Variants in ME3 observed in about 807,000 individuals in gnomAD.
ME3 encodes NADP-dependent malic enzyme, mitochondrial.
In ME3, 48 loss-of-function variants were observed where a neutral mutation model predicts 68.9. That is an observed-to-expected ratio of 0.70 (90% CI 0.55 to 0.89). ME3 has a LOEUF of 0.89. Among genes scored for constraint, ME3 ranks in the 40% least tolerant of loss-of-function variants. The pLI, the probability that ME3 is intolerant of heterozygous loss-of-function variation, is 0.00. For synonymous variants in ME3, 320 were observed against 318.8 expected (o/e 1.00, Z -0.04); for missense variants, 675 against 797.4 (o/e 0.85, Z 1.85).
At chr11:86,551,330 G>T (rs1296138083) in intron 4 of ME3, among the ~76,000 whole-genome samples, 2 of 152,040 alleles carry the variant, frequency 1.3e-5, no homozygotes, top group East Asian at 3.9e-4. Context: ...TTAGATAAGG[G>T]GGCTGAACCA....
intron 7 of ME3, among the ~76,000 whole-genome samples, chr11:86,471,367 C>T (rs1950776409): frequency 6.6e-6 from 1 of 151,984 alleles, no homozygotes; most frequent in African/African-American, 2.4e-5. Context: ...ATTTCTTGAC[C>T]TCATGATCCA....
chr11:86,624,820 T>A (rs903093894), intron 2 of ME3, among the ~76,000 whole-genome samples: 5 of 152,178 alleles, frequency 3.3e-5, no homozygotes, highest in Non-Finnish European at 7.4e-5. Context: ...AAGGACCAGA[T>A]CACAGAGGGT....
chr11:86,583,539 TTAAA>T (rs568236089), intron 2 of ME3, among the ~76,000 whole-genome samples: 33 of 152,306 alleles, frequency 2.2e-4, no homozygotes, highest in East Asian at 1.9e-3. Context: ...AAGACAGCTA[TTAAA>T]TAAATAATCA....
chr11:86,651,054 C>T (rs371302842), intron 2 of ME3, among the ~76,000 whole-genome samples: 1 of 152,206 alleles, frequency 6.6e-6, no homozygotes, highest in South Asian at 2.1e-4. Flanking sequence ...GGGAGGGGCA[C>T]CCGCCATTGC....
intron 4 of ME3, among the ~76,000 whole-genome samples, chr11:86,550,497 A>G (rs985647702): frequency 1.3e-5 from 2 of 152,168 alleles, no homozygotes; most frequent in Non-Finnish European, 2.9e-5. Flanking sequence ...GCCAGATGAG[A>G]GGTTAACCAG....
chr11:86,453,119 C>T (rs186591443), intron 8 of ME3, among the ~76,000 whole-genome samples: 176 of 152,228 alleles, frequency 1.2e-3, no homozygotes, highest in African/African-American at 4.1e-3. Context: ...CTGGCTCAGC[C>T]TCCTGAGTAG....
chr11:86,630,068 A>T (rs1193394921), intron 2 of ME3, among the ~76,000 whole-genome samples: 2 of 152,064 alleles, frequency 1.3e-5, no homozygotes, highest in African/African-American at 4.8e-5. Flanking sequence ...AATAATAGAG[A>T]TCTACATCCC....
At chr11:86,587,878 G>A (rs1045140538) in intron 2 of ME3, among the ~76,000 whole-genome samples, 9 of 152,156 alleles carry the variant, frequency 5.9e-5, no homozygotes, top group Admixed American at 1.3e-4. Context: ...GTGCCTTCTG[G>A]CTCAAATATA....
intron 4 of ME3, among the ~76,000 whole-genome samples, chr11:86,511,156 T>C (rs1052825211): frequency 3.9e-5 from 6 of 152,244 alleles, no homozygotes; most frequent in African/African-American, 1.4e-4. Flanking sequence ...GCTGCAATAA[T>C]CTTGTAACAT....
intron 2 of ME3, among the ~76,000 whole-genome samples, chr11:86,574,136 TC>T (rs1957953574): frequency 6.6e-6 from 1 of 152,186 alleles, no homozygotes; most frequent in Non-Finnish European, 1.5e-5. Flanking sequence ...TTAACTTCCT[TC>T]CTTTGGGTTA....
intron 2 of ME3, among the ~76,000 whole-genome samples, chr11:86,649,084 G>A (rs939440729): frequency 2.0e-5 from 3 of 152,114 alleles, no homozygotes; most frequent in Admixed American, 6.6e-5. Context: ...CTGGCAAACC[G>A]AATCCAGCAG....
intron 2 of ME3, among the ~76,000 whole-genome samples, chr11:86,656,870 C>T (rs1331478991): frequency 6.9e-6 from 1 of 145,960 alleles, no homozygotes; most frequent in Non-Finnish European, 1.5e-5. Flanking sequence ...AAAAAAAAAG[C>T]TCATGATCAG....
chr11:86,670,395 G>A (rs1489099762), intron 2 of ME3, among the ~76,000 whole-genome samples: 3 of 152,178 alleles, frequency 2.0e-5, no homozygotes, highest in Non-Finnish European at 2.9e-5. Flanking sequence ...AATGCCATCT[G>A]GGCTTGTGGT....
rs756448234 is a variant in ME3 at position 86,497,981 on chromosome 11, G to A, written c.687C>T (p.Asp229=). ...GGGTTACCTCATTGTTGGTGCCGAC[G>A]TCCAGCAGCACAGGGAGGCACTGCT... Residue 229 remains aspartate (D), a synonymous_variant, in exon 6 of 15, where the codon GAC becomes GAT. Transcript: ENST00000543262. 8.7e-6 allele frequency: 14 copies of A among 1,604,026 alleles called. No individual in the cohort carries two copies. In the Admixed American group the frequency reaches 1.0e-4, roughly 12 times the overall value.
At chr11:86,672,026 G>A in intron 1 of ME3, 68 bp from the exon 2 acceptor site, 3 of 1,242,106 alleles carry the variant, frequency 2.4e-6, no homozygotes, top group Non-Finnish European at 3.1e-6. Context: ...GCGCTGCGGG[G>A]CACCGGGCCT....
chr11:86,604,657 C>T (rs946213571), intron 2 of ME3, among the ~76,000 whole-genome samples: 4 of 152,054 alleles, frequency 2.6e-5, no homozygotes, highest in African/African-American at 9.7e-5. Flanking sequence ...GTCTTCTCAA[C>T]AAATTAATGA....
At chr11:86,523,765 A>T (rs906021512) in intron 4 of ME3, among the ~76,000 whole-genome samples, 1 of 152,158 alleles carries the variant, frequency 6.6e-6, no homozygotes, top group Non-Finnish European at 1.5e-5. Flanking sequence ...CCTCCATCAC[A>T]TCATTAGCTG....
At chr11:86,665,889 G>GA (rs1410643345) in intron 2 of ME3, among the ~76,000 whole-genome samples, 2 of 152,214 alleles carry the variant, frequency 1.3e-5, no homozygotes, top group African/African-American at 4.8e-5. Flanking sequence ...GGAGAAGACT[G>GA]AAGACTGAAG....
intron 2 of ME3, among the ~76,000 whole-genome samples, chr11:86,628,722 C>T (rs1943817962): frequency 6.6e-6 from 1 of 152,120 alleles, no homozygotes; most frequent in Admixed American, 6.5e-5. Flanking sequence ...GGTTAGGTAA[C>T]CACGTCAGAA....
Sources: gnomAD v4.1 joint callset for allele counts (sites outside exome capture counted in the v4.1 genomes callset) on GRCh38, gnomAD v4.1.1 for gene constraint, MANE v1.5 for transcripts, NCBI Gene and HGNC (gene_info 2026-07-23, HGNC 2026-07-21) for gene names.